Variants in SWT1 observed in about 807,000 individuals in gnomAD.
SWT1 encodes SWT1 RNA endoribonuclease homolog.
A neutral mutation model predicts 107.3 loss-of-function variants in SWT1; 33 were observed. The ratio of observed to expected loss-of-function variants is 0.31; its 90% CI spans 0.23 to 0.41. The LOEUF (loss-of-function observed/expected upper bound fraction) is 0.41, where lower values mean the gene tolerates loss of function less well. Ranked by LOEUF, SWT1 falls within the 10% of genes least tolerant of loss-of-function variation. The probability of loss-of-function intolerance (pLI) is 1.00; values close to 1 mark genes in which losing one functional copy is unlikely to be tolerated. For synonymous variants in SWT1, 345 were observed against 348.3 expected, an observed-to-expected ratio of 0.99 and a Z score of 0.11; for missense variants, 898 against 1,028.9, an observed-to-expected ratio of 0.87 and a Z score of 1.74.
At chr1:185,187,745 C>T (rs988504884) in intron 9 of SWT1, among the ~76,000 whole-genome samples, 2 of 152,032 alleles carry the variant, frequency 1.3e-5, no homozygotes, top group African/African-American at 2.4e-5. Flanking sequence ...AGTGCAATGG[C>T]GTGATCTCAG....
At chr1:185,199,094 T>G (rs150380033) in intron 10 of SWT1, among the ~76,000 whole-genome samples, 5,563 of 151,874 alleles carry the variant, frequency 0.037, 324 homozygotes, top group African/African-American at 0.13. Flanking sequence ...CACACCACCA[T>G]GCCTGGCTAA....
intron 15 of SWT1, chr1:185,227,334 T>C (rs1432014718): frequency 5.5e-6 from 4 of 733,692 alleles, no homozygotes; most frequent in Non-Finnish European, 2.5e-6. Context: ...CTCTTCCACT[T>C]GGCTTTCATA....
At chr1:185,265,654 CT>C (rs1311880934) in intron 16 of SWT1, among the ~76,000 whole-genome samples, 1 of 152,094 alleles carries the variant, frequency 6.6e-6, no homozygotes, top group Non-Finnish European at 1.5e-5. Flanking sequence ...GTTAATTAGC[CT>C]TTTTTGTGTT....
chr1:185,243,622 TG>T (rs1489352082), intron 16 of SWT1, among the ~76,000 whole-genome samples: 6 of 152,166 alleles, frequency 3.9e-5, no homozygotes, highest in African/African-American at 9.7e-5. Context: ...CAGAAACCTC[TG>T]GAATTATTAA....
At chr1:185,175,683 G>T (rs956799652) in intron 5 of SWT1, among the ~76,000 whole-genome samples, 1 of 152,192 alleles carries the variant, frequency 6.6e-6, no homozygotes, top group Non-Finnish European at 1.5e-5. Flanking sequence ...AGAAAGGAAT[G>T]TGTAAAAATG....
intron 5 of SWT1, among the ~76,000 whole-genome samples, chr1:185,178,486 A>G (rs977347326): frequency 2.0e-5 from 3 of 152,208 alleles, no homozygotes; most frequent in African/African-American, 7.2e-5. Context: ...TATCTTTGTT[A>G]CGATATTCCC....
At chr1:185,263,235 A>G (rs1272616727) in intron 16 of SWT1, 1 of 152,006 alleles carries the variant, frequency 6.6e-6, no homozygotes, top group Non-Finnish European at 1.5e-5. Context: ...CAACATACAC[A>G]TTTTTGGAGA....
intron 16 of SWT1, among the ~76,000 whole-genome samples, chr1:185,268,572 TAA>T: frequency 6.6e-6 from 1 of 152,294 alleles, no homozygotes; most frequent in South Asian, 2.1e-4. Flanking sequence ...AATGAGAGAA[TAA>T]AGGGTCACTT....
intron 10 of SWT1, among the ~76,000 whole-genome samples, chr1:185,201,831 A>G (rs929384178): frequency 2.0e-5 from 3 of 152,176 alleles, no homozygotes; most frequent in Non-Finnish European, 4.4e-5. Flanking sequence ...AAATGCCCTC[A>G]GGTAAAAAGA....
At chr1:185,256,006 T>G (rs1461247849) in intron 16 of SWT1, among the ~76,000 whole-genome samples, 1 of 151,910 alleles carries the variant, frequency 6.6e-6, no homozygotes, top group South Asian at 2.1e-4. Context: ...CATTTGCTTG[T>G]CTGTAAAGTA....
At chr1:185,263,174 GC>G (rs1663147519) in intron 16 of SWT1, 1 of 152,126 alleles carries the variant, frequency 6.6e-6, no homozygotes, top group Non-Finnish European at 1.5e-5. Flanking sequence ...CCTCTTTAAA[GC>G]CCTTATCTCC....
At chr1:185,278,810 A>G (rs1664424883) in intron 18 of SWT1, among the ~76,000 whole-genome samples, 1 of 152,262 alleles carries the variant, frequency 6.6e-6, no homozygotes, top group African/African-American at 2.4e-5. Flanking sequence ...GGAACTTAAT[A>G]AAAGTATCAC....
At chr1:185,199,227 C>T (rs140865623) in intron 10 of SWT1, among the ~76,000 whole-genome samples, 32 of 152,220 alleles carry the variant, frequency 2.1e-4, no homozygotes, top group African/African-American at 4.8e-4. Context: ...TGAGCCACCA[C>T]GCCTGGCCTA....
chr1:185,262,368 A>G (rs1357425333), intron 16 of SWT1: 1 of 152,254 alleles, frequency 6.6e-6, no homozygotes, highest in Non-Finnish European at 1.5e-5. Flanking sequence ...CAGCATCCCA[A>G]GTACTAAGAT....
At chr1:185,176,868 C>A (rs1655606167) in intron 5 of SWT1, 1 of 398,892 alleles carries the variant, frequency 2.5e-6, no homozygotes, top group South Asian at 1.0e-4. Flanking sequence ...CCTGTAGTCC[C>A]AGCTACTTGG....
chr1:185,162,502 C>A (rs997545887), intron 2 of SWT1, among the ~76,000 whole-genome samples: 12 of 152,186 alleles, frequency 7.9e-5, no homozygotes, highest in Non-Finnish European at 1.5e-5. Context: ...TCCTCCTCAT[C>A]TTATAAAACT....
intron 16 of SWT1, among the ~76,000 whole-genome samples, chr1:185,262,731 G>T (rs1224037830): frequency 6.6e-6 from 1 of 151,798 alleles, no homozygotes; most frequent in Admixed American, 6.6e-5. Flanking sequence ...GACTCTTCAT[G>T]TGATTGTTCT....
intron 16 of SWT1, among the ~76,000 whole-genome samples, chr1:185,242,431 T>C (rs1301530148): frequency 1.3e-5 from 2 of 152,144 alleles, no homozygotes; most frequent in African/African-American, 4.8e-5. Context: ...AAAACTCTTA[T>C]CTGTGTTTCC....
intron 12 of SWT1, 87 bp downstream of exon 12, chr1:185,204,950 A>G (rs1400039744): frequency 2.8e-6 from 2 of 709,682 alleles, no homozygotes; most frequent in African/African-American, 1.9e-5. Flanking sequence ...TATAAAATGC[A>G]TACGCTTCAT....
Sources: allele counts gnomAD v4.1 joint callset (sites outside exome capture counted in the v4.1 genomes callset), GRCh38; gene constraint gnomAD v4.1.1; transcripts MANE v1.5; gene names NCBI Gene and HGNC (gene_info 2026-07-23, HGNC 2026-07-21).